CDK14: variants seen among roughly 807,000 people sequenced by gnomAD.
CDK14 encodes the protein cyclin-dependent kinase 14.
A neutral mutation model predicts 60.7 loss-of-function variants in CDK14; 34 were observed. That is an observed-to-expected ratio of 0.56 (90% confidence interval 0.43 to 0.75). The LOEUF is 0.75. CDK14 is among the 30% of genes least tolerant of loss of function. CDK14 has a pLI of 0.00. For synonymous variants in CDK14, 197 were observed against 203.7 expected, an observed-to-expected ratio of 0.97 and a Z score of 0.28; for missense variants, 482 against 564.1, an observed-to-expected ratio of 0.85 and a Z score of 1.47.
At position 90,626,983 on chromosome 7, in the gene CDK14, C is replaced by A. The variant is rs576016177; in HGVS notation, c.123+22734C>A. Among the ~76,000 whole-genome samples, 4 of 150,450 alleles carry A rather than the reference C, an allele frequency of 2.7e-5. No individual in the cohort carries two copies. In the East Asian group the frequency reaches 7.8e-4, roughly 29 times the overall value. On this transcript the variant is annotated intron_variant, in intron 2 of 14. Transcript: ENST00000380050. ...AAACAGCAAAAAACAAAAACAAAAA[C>A]AAAACAAAAAAAGAAAAGTAAAAGA...
At chr7:91,121,398 GT>G (rs1250849667) in intron 14 of CDK14, among the ~76,000 whole-genome samples, 1 of 152,182 alleles carries the variant, frequency 6.6e-6, no homozygotes, top group East Asian at 1.9e-4. Flanking sequence ...GGAGGTAAAT[GT>G]GGAAAATGCA....
At chr7:90,940,312 C>T (rs1168199447) in intron 8 of CDK14, among the ~76,000 whole-genome samples, 1 of 152,006 alleles carries the variant, frequency 6.6e-6, no homozygotes, top group Non-Finnish European at 1.5e-5. Context: ...TTGTCTTTTC[C>T]ATTAACAATA....
chr7:91,154,693 A>G lies in CDK14; in HGVS notation c.*28+36485A>G, dbSNP rs192943585. Among the ~76,000 whole-genome samples the G allele has an allele frequency of 1.4e-4, 22 of 152,302 alleles. No individual in the cohort carries two copies. In the East Asian group the frequency reaches 4.1e-3, roughly 28 times the overall value. On this transcript the variant is annotated intron_variant, in intron 14 of 14. Coordinates refer to ENST00000380050, the MANE Select transcript of CDK14 (RefSeq NM_001287135.2). ...CCTTGGTTTCTTCCTGTGTAATGAGATAATTCATTTGAAGCAATTAGAGCA... is the reference window on the plus strand; with the variant it reads ...CCTTGGTTTCTTCCTGTGTAATGAGGTAATTCATTTGAAGCAATTAGAGCA...
At chr7:91,008,141 A>C (rs578146081) in intron 10 of CDK14, among the ~76,000 whole-genome samples, 1 of 146,686 alleles carries the variant, frequency 6.8e-6, no homozygotes, top group East Asian at 1.9e-4. Flanking sequence ...AAAAAAAAAA[A>C]AAAACAAACA....
intron 4 of CDK14, among the ~76,000 whole-genome samples, chr7:90,770,083 G>A (rs1403223679): frequency 1.3e-5 from 2 of 152,238 alleles, no homozygotes; most frequent in Admixed American, 6.5e-5. Context: ...GACCTTGCCA[G>A]TTGGCCTTAC....
At chr7:91,167,399 T>C (rs1562978213) in intron 14 of CDK14, among the ~76,000 whole-genome samples, 1 of 152,260 alleles carries the variant, frequency 6.6e-6, no homozygotes, top group African/African-American at 2.4e-5. Context: ...GCAATTCACC[T>C]GGATAAATGT....
At chr7:90,718,271 A>G (rs115026266) in intron 2 of CDK14, among the ~76,000 whole-genome samples, 143 of 152,244 alleles carry the variant, frequency 9.4e-4, no homozygotes, top group African/African-American at 3.3e-3. Context: ...GACTGGAGAC[A>G]TTAAGAGAAG....
At chr7:91,179,066 A>T (rs1801892338) in intron 14 of CDK14, among the ~76,000 whole-genome samples, 1 of 152,212 alleles carries the variant, frequency 6.6e-6, no homozygotes, top group Admixed American at 6.5e-5. Context: ...CCAAATGTCC[A>T]ACAATGATAG....
At chr7:90,747,058 C>T (rs140897589) in intron 3 of CDK14, among the ~76,000 whole-genome samples, 124 of 152,250 alleles carry the variant, frequency 8.1e-4, no homozygotes, top group Middle Eastern at 6.8e-3. Context: ...GTTTGAAAAC[C>T]ATGAAACAAT....
intron 2 of CDK14, chr7:90,709,184 T>G (rs1801971732): frequency 4.2e-6 from 1 of 235,426 alleles, no homozygotes; most frequent in African/African-American, 2.2e-5. Flanking sequence ...ACATATTTGG[T>G]GCGTGGTTAT....
intron 7 of CDK14, among the ~76,000 whole-genome samples, chr7:90,902,252 T>G (rs974481987): frequency 6.6e-6 from 1 of 152,094 alleles, no homozygotes; most frequent in African/African-American, 2.4e-5. Context: ...ATCCTAAAAT[T>G]TATATGGAAC....
chr7:91,011,954 G>A (rs990554709), intron 10 of CDK14, among the ~76,000 whole-genome samples: 2 of 151,952 alleles, frequency 1.3e-5, no homozygotes, highest in Non-Finnish European at 2.9e-5. Context: ...ATTATGGGTT[G>A]TATTTTCTTT....
chr7:90,891,975 C>T (rs1352491941), intron 6 of CDK14, among the ~76,000 whole-genome samples: 1 of 152,186 alleles, frequency 6.6e-6, no homozygotes, highest in Non-Finnish European at 1.5e-5. Flanking sequence ...AATTGGAAAA[C>T]CTCACTTCAT....
chr7:91,084,500 C>T (rs1798574396), intron 12 of CDK14, among the ~76,000 whole-genome samples: 1 of 152,256 alleles, frequency 6.6e-6, no homozygotes, highest in South Asian at 2.1e-4. Context: ...CTGCTACCCA[C>T]TCACACCCTA....
At chr7:90,674,503 T>G (rs1433779566) in intron 2 of CDK14, among the ~76,000 whole-genome samples, 1 of 152,206 alleles carries the variant, frequency 6.6e-6, no homozygotes, top group Admixed American at 6.5e-5. Flanking sequence ...ATGTTCATTG[T>G]GAGAAGAGAA....
intron 7 of CDK14, among the ~76,000 whole-genome samples, chr7:90,912,956 C>T (rs529150561): frequency 2.6e-5 from 4 of 152,236 alleles, no homozygotes; most frequent in African/African-American, 9.6e-5. Flanking sequence ...TTAGAATAAA[C>T]TTTCAGTAAG....
At chr7:91,141,241 G>C (rs1800447819) in intron 14 of CDK14, among the ~76,000 whole-genome samples, 1 of 152,224 alleles carries the variant, frequency 6.6e-6, no homozygotes, top group Non-Finnish European at 1.5e-5. Flanking sequence ...AAAATCGTCA[G>C]TGTGACGTAG....
At chr7:91,117,465 G>C (rs1374776704) in intron 13 of CDK14, among the ~76,000 whole-genome samples, 2 of 151,856 alleles carry the variant, frequency 1.3e-5, no homozygotes, top group East Asian at 3.9e-4. Context: ...TCTCCCTCTA[G>C]ACATACGCAT....
chr7:90,929,061 T>A (rs985568999), intron 8 of CDK14, among the ~76,000 whole-genome samples: 1 of 152,216 alleles, frequency 6.6e-6, no homozygotes, highest in African/African-American at 2.4e-5. Flanking sequence ...GTTTGCTAAT[T>A]CCATTGGAAC....
Sources: gnomAD v4.1 joint callset for allele counts (sites outside exome capture counted in the v4.1 genomes callset) on GRCh38, gnomAD v4.1.1 for gene constraint, MANE v1.5 for transcripts, NCBI Gene and HGNC (gene_info 2026-07-23, HGNC 2026-07-21) for gene names.